The following FBXW11 variants were observed in gnomAD, a reference collection of about 807,000 sequenced individuals.
FBXW11 encodes the protein F-box/WD repeat-containing protein 11.
A neutral mutation model predicts 77.6 loss-of-function variants in FBXW11; 19 were observed. That is an observed-to-expected ratio of 0.24 (90% CI 0.17 to 0.36). The LOEUF (loss-of-function observed/expected upper bound fraction) is 0.36. Ranked by LOEUF, FBXW11 falls within the 10% of genes least tolerant of loss-of-function variation. The probability of loss-of-function intolerance (pLI) is 1.00; values close to 1 mark genes in which losing one functional copy is unlikely to be tolerated. For missense variants in FBXW11, 334 were observed against 704.2 expected (o/e 0.47, Z 5.95); for synonymous variants, 235 against 249.4 (o/e 0.94, Z 0.54).
intron 2 of FBXW11, among the ~76,000 whole-genome samples, chr5:171,931,858 TCCCTC>T (rs1762219586): frequency 1.6e-3 from 5 of 3,210 alleles, no homozygotes; most frequent in Non-Finnish European, 3.2e-3. Flanking sequence ...CCTCCCTCCC[TCCCTC>T]TCTCTCTCTC....
Position 171,914,407 on chromosome 5 carries a change from TA to T in FBXW11, c.148-3del, listed in dbSNP as rs763328175. ...TTGATCTTCCATAACTGAAGTGTTC[TA>T]GGGGGGGAAAAACAGGTTATTTGAA... On this transcript the variant is annotated splice_region_variant and splice_polypyrimidine_tract_variant and intron_variant, in intron 2 of 13. Transcript: ENST00000517395. 24 of 1,579,770 alleles carry T rather than the reference TA, an allele frequency of 1.5e-5. No homozygotes were observed. Among genetic ancestry groups the T allele is most frequent in the Middle Eastern group, 1.7e-4 (1 of 6,008 alleles).
At chr5:171,938,818 A>C (rs775263823) in intron 2 of FBXW11, among the ~76,000 whole-genome samples, 4 of 152,258 alleles carry the variant, frequency 2.6e-5, no homozygotes, top group Non-Finnish European at 4.4e-5. Flanking sequence ...AGTACTATGC[A>C]GCCATAAGAA....
chr5:171,988,155 A>G (rs979804738), intron 1 of FBXW11, among the ~76,000 whole-genome samples: 11 of 152,184 alleles, frequency 7.2e-5, no homozygotes, highest in Admixed American at 6.5e-4. Context: ...CATATTTCTT[A>G]GTTCTGTCCA....
At chr5:171,872,741 A>C (rs1025606507) in intron 10 of FBXW11, 131 bp downstream of exon 10, 12 of 695,896 alleles carry the variant, frequency 1.7e-5, no homozygotes, top group Middle Eastern at 4.2e-4. Flanking sequence ...TACATTTCTA[A>C]AAGTTACCTA....
chr5:171,965,205 T>C (rs1353666641), intron 1 of FBXW11, among the ~76,000 whole-genome samples: 1 of 152,168 alleles, frequency 6.6e-6, no homozygotes, highest in Non-Finnish European at 1.5e-5. Context: ...TCCAAACAAT[T>C]TTCATCTTGA....
rs1416953486 is a variant in FBXW11 at position 171,904,100 on chromosome 5, C to T, written c.437-4000G>A. On this transcript the variant is annotated intron_variant, in intron 4 of 13. Transcript: ENST00000517395. The surrounding 1 kb of genome is among the most constrained non-coding windows in gnomAD (Gnocchi z 4.0). ...TCGCTTGAGTCCAGGAGTTTGAGACCAGCCTGGACAGCATGGCAAAACTCC... is the reference window on the plus strand; with the variant it reads ...TCGCTTGAGTCCAGGAGTTTGAGACTAGCCTGGACAGCATGGCAAAACTCC... Among the ~76,000 whole-genome samples, 1 of 152,060 alleles carries T rather than the reference C, an allele frequency of 6.6e-6. No homozygotes were observed. Among genetic ancestry groups the T allele is most frequent in the African/African-American group, 2.4e-5 (1 of 41,384 alleles).
intron 6 of FBXW11, among the ~76,000 whole-genome samples, chr5:171,896,981 TA>T (rs898863864): frequency 2.0e-5 from 3 of 151,416 alleles, no homozygotes; most frequent in Non-Finnish European, 4.4e-5. Flanking sequence ...AAAATGGGAG[TA>T]AAAAAAAATC....
At chr5:171,893,436 A>AAAAAAAAAAAAAC (rs1759512451) in intron 6 of FBXW11, among the ~76,000 whole-genome samples, 1 of 147,930 alleles carries the variant, frequency 6.8e-6, no homozygotes, top group Non-Finnish European at 1.5e-5. Context: ...AAAAAAAAAA[A>AAAAAAAAAAAAAC]AAAAAAAAAA....
chr5:171,976,936 C>G (rs1358813412), intron 1 of FBXW11, among the ~76,000 whole-genome samples: 2 of 151,812 alleles, frequency 1.3e-5, no homozygotes, highest in African/African-American at 4.8e-5. Context: ...ATCCCAGCTA[C>G]CTGGGAGGCT....
chr5:171,915,900 T>C (rs1761202842), intron 2 of FBXW11, among the ~76,000 whole-genome samples: 4 of 152,088 alleles, frequency 2.6e-5, no homozygotes, highest in Admixed American at 2.6e-4. Flanking sequence ...CACGGAATAC[T>C]ATGCAGCCAT....
intron 2 of FBXW11, among the ~76,000 whole-genome samples, chr5:171,922,044 A>AT (rs1236806185): frequency 6.7e-6 from 1 of 149,066 alleles, no homozygotes; most frequent in African/African-American, 2.5e-5. Context: ...GCAACAGTAC[A>AT]TAAAGGGGAA....
intron 1 of FBXW11, among the ~76,000 whole-genome samples, chr5:171,965,513 G>A (rs1024587040): frequency 2.1e-4 from 31 of 148,614 alleles, no homozygotes; most frequent in African/African-American, 7.5e-4. Flanking sequence ...GCAACAGAGT[G>A]AGACTCTTGT....
rs397999920 is a variant in FBXW11 at position 171,893,421 on chromosome 5, CAA to C, written c.715-1819_715-1818del. Among the ~76,000 whole-genome samples the C allele has an allele frequency of 6.2e-3, 246 of 39,826 alleles. 3 individuals are homozygous for C. The highest frequency in any genetic ancestry group is 0.015 in the South Asian group (8 of 534). The allele number at this position is 39,826 out of a possible 152,430, so 26.1% of individuals were successfully genotyped here. Reference sequence around the variant, plus strand: ...GACATACAAAAGCACACTTCAAAACCAAAAAAAAAAAAAAAAAAAAAAAAAAC... The same window carrying C: ...GACATACAAAAGCACACTTCAAAACCAAAAAAAAAAAAAAAAAAAAAAAAC... On this transcript the variant is annotated intron_variant, in intron 6 of 13. Coordinates refer to ENST00000517395, the MANE Select transcript of FBXW11 (RefSeq NM_001378974.1).
intron 1 of FBXW11, among the ~76,000 whole-genome samples, chr5:171,967,883 T>TATATACAC (rs1244744249): frequency 1.9e-4 from 14 of 74,982 alleles, no homozygotes; most frequent in African/African-American, 7.1e-4. Flanking sequence ...TATATATATA[T>TATATACAC]ACACACACAC....
chr5:171,901,599 T>A (rs1265060672), intron 4 of FBXW11, among the ~76,000 whole-genome samples: 1 of 152,200 alleles, frequency 6.6e-6, no homozygotes, highest in African/African-American at 2.4e-5. Flanking sequence ...TTCCTGCATG[T>A]CATTTACAGT....
Position 171,985,468 on chromosome 5 carries a change from A to G in FBXW11, c.45+20990T>C, listed in dbSNP as rs533746709. On this transcript the variant is annotated intron_variant, in intron 1 of 13. Transcript: ENST00000517395. ...TGAGACCCAGTATCTAAAAAAAATT[A>G]TAAAAATAGACCAGATGCAGTGGCT... Among the ~76,000 whole-genome samples the G allele has an allele frequency of 1.2e-4, 19 of 152,234 alleles. No individual in the cohort carries two copies. In the East Asian group the frequency reaches 3.7e-3, roughly 29 times the overall value.
chr5:171,876,163 T>G lies in FBXW11; in HGVS notation c.1221+122A>C. On this transcript the variant is annotated intron_variant, in intron 9 of 13. Coordinates refer to ENST00000517395, the MANE Select transcript of FBXW11 (RefSeq NM_001378974.1). The surrounding 1 kb of genome is among the most constrained non-coding windows in gnomAD (Gnocchi z 4.2). ...ATACAGAGTGGGATGGCCTCAAGGGTTCATAAGCACAGAGGAGAATAAAGA... is the reference window on the plus strand; with the variant it reads ...ATACAGAGTGGGATGGCCTCAAGGGGTCATAAGCACAGAGGAGAATAAAGA... The G allele has an allele frequency of 1.6e-6, 2 of 1,223,692 alleles. No homozygotes were observed. The highest frequency in any genetic ancestry group is 3.8e-5 in the Admixed American group (2 of 51,986). 75.8% of individuals were successfully genotyped at this position (1,223,692 alleles called of 1,614,324 possible).
intron 7 of FBXW11, among the ~76,000 whole-genome samples, chr5:171,883,136 T>C (rs927561021): frequency 3.9e-5 from 6 of 152,238 alleles, no homozygotes; most frequent in African/African-American, 1.4e-4. Context: ...TATGGCTGCA[T>C]AGTATTCCAT....
intron 7 of FBXW11, among the ~76,000 whole-genome samples, chr5:171,884,600 C>T (rs2113813821): frequency 6.6e-6 from 1 of 152,180 alleles, no homozygotes; most frequent in Admixed American, 6.5e-5. Context: ...ATGGTTATGT[C>T]CTTTCCTGGT....
Sources: allele counts gnomAD v4.1 joint callset (sites outside exome capture counted in the v4.1 genomes callset), GRCh38; gene constraint gnomAD v4.1.1; non-coding constraint Gnocchi (gnomAD v3.1); transcripts MANE v1.5; gene names NCBI Gene and HGNC (gene_info 2026-07-23, HGNC 2026-07-21).